Variants in TMCO6 observed in about 807,000 individuals in gnomAD.
TMCO6 encodes the protein transmembrane and coiled-coil domains 6.
Under a neutral mutation model 61.8 loss-of-function variants are expected in TMCO6, and 47 were observed. The observed-to-expected ratio is 0.76, with a 90% CI of 0.60 to 0.97. TMCO6 has a LOEUF of 0.97. Among genes scored for constraint, TMCO6 ranks in the 50% least tolerant of loss-of-function variants. The pLI, the probability that TMCO6 is intolerant of heterozygous loss-of-function variation, is 0.00. For missense variants in TMCO6, 557 were observed against 601.6 expected, an observed-to-expected ratio of 0.93 and a Z score of 0.78; for synonymous variants, 261 against 254.2, an observed-to-expected ratio of 1.03 and a Z score of -0.25.
downstream of TMCO6, chr5:140,646,934 G>C (rs1454846647): frequency 1.1e-5 from 3 of 264,198 alleles, no homozygotes; most frequent in Non-Finnish European, 2.2e-5. Flanking sequence ...CACACTACCT[G>C]GACTGACACT....
At chr5:140,635,551 T>C (rs1272651130), upstream of TMCO6, among the ~76,000 whole-genome samples, 10 of 152,134 alleles carry the variant, frequency 6.6e-5, no homozygotes. Flanking sequence ...GCAGTGATGG[T>C]TCTGCAAAGA....
chr5:140,633,346 A>C, the TMCO6 span: 385 of 578,684 alleles, frequency 6.7e-4, no homozygotes, highest in Non-Finnish European at 9.9e-4. Context: ...AACAGGAAGG[A>C]TTCTGCAGGG....
At chr5:140,614,104 T>C in the TMCO6 span, among the ~76,000 whole-genome samples, 1 of 152,126 alleles carries the variant, frequency 6.6e-6, no homozygotes, top group Non-Finnish European at 1.5e-5. Context: ...TTTCACCGTT[T>C]TAGCCAGGAT....
At chr5:140,624,183 G>A in the TMCO6 span, among the ~76,000 whole-genome samples, 2 of 151,958 alleles carry the variant, frequency 1.3e-5, no homozygotes, top group African/African-American at 2.4e-5. Flanking sequence ...TGACCAAAAT[G>A]GTGAAACCCC....
At chr5:140,602,242 A>T in the TMCO6 span, among the ~76,000 whole-genome samples, 4 of 151,976 alleles carry the variant, frequency 2.6e-5, no homozygotes, top group Non-Finnish European at 2.9e-5. Flanking sequence ...CTCACTTCCT[A>T]CACTTGCAAT....
the TMCO6 span, among the ~76,000 whole-genome samples, chr5:140,628,959 G>A: frequency 6.6e-6 from 1 of 152,086 alleles, no homozygotes; most frequent in African/African-American, 2.4e-5. Context: ...ATATGTGATG[G>A]GTTACAATCC....
chr5:140,644,902 G>A, intron 11 of TMCO6, 83 bp from the exon 12 acceptor site: 2 of 1,529,798 alleles, frequency 1.3e-6, no homozygotes, highest in East Asian at 2.3e-5. Flanking sequence ...GCACCCTCTG[G>A]AGTAGGCTGA....
chr5:140,634,201 C>T, the TMCO6 span, among the ~76,000 whole-genome samples: 1 of 152,140 alleles, frequency 6.6e-6, no homozygotes, highest in East Asian at 1.9e-4. Context: ...TATTTTGAAT[C>T]AGTTTTCCCA....
the TMCO6 span, chr5:140,631,675 T>C: frequency 1.7e-6 from 1 of 584,364 alleles, no homozygotes; most frequent in Non-Finnish European, 3.0e-6. Flanking sequence ...CATCCAGCAC[T>C]GTGCCCAGCA....
chr5:140,613,968 G>A, the TMCO6 span, among the ~76,000 whole-genome samples: 5 of 151,590 alleles, frequency 3.3e-5, no homozygotes, highest in African/African-American at 4.9e-5. Context: ...GTGCGGTCTC[G>A]GCTCACTGCA....
the TMCO6 span, among the ~76,000 whole-genome samples, chr5:140,603,566 C>T: frequency 3.3e-5 from 5 of 152,246 alleles, no homozygotes; most frequent in African/African-American, 1.2e-4. Flanking sequence ...CCTCGGCCTC[C>T]GAAAGTGCTG....
the TMCO6 span, among the ~76,000 whole-genome samples, chr5:140,624,818 G>A: frequency 6.7e-6 from 1 of 150,230 alleles, no homozygotes; most frequent in Non-Finnish European, 1.5e-5. Flanking sequence ...ATGAGTCACT[G>A]CACCCAACCT....
the TMCO6 span, among the ~76,000 whole-genome samples, chr5:140,608,852 G>A: frequency 6.6e-6 from 1 of 152,146 alleles, no homozygotes; most frequent in South Asian, 2.1e-4. Flanking sequence ...CCATTGATCT[G>A]TCTGCTTATC....
At chr5:140,646,648 A>G (rs1255872574), downstream of TMCO6, among the ~76,000 whole-genome samples, 2 of 152,094 alleles carry the variant, frequency 1.3e-5, no homozygotes, top group Non-Finnish European at 2.9e-5. Flanking sequence ...GGAAAATTTC[A>G]TTTTGCAATA....
rs78801877 is a variant in TMCO6, at chr5:140,643,883, C to G, written c.1022C>G (p.Ala341Gly). 48 of 1,613,862 alleles carry G rather than the reference C, an allele frequency of 3.0e-5. No individual in the cohort carries two copies. The highest frequency in any genetic ancestry group is 9.3e-5 in the African/African-American group (7 of 74,900). ...MQLRDERVVA[A>G]LFILLQFFFQ... ...CTCAGAGATGAGCGTGTTGTGGCAG[C>G]CTTATTTATCCTTCTGCAGTTCTTT... The change falls in exon 9 of 12, where the codon GCC becomes GGC. Residue 341 changes from alanine (A) to glycine (G), a missense_variant. Coordinates refer to ENST00000394671, the MANE Select transcript of TMCO6 (RefSeq NM_018502.5).
chr5:140,597,023 A>G, the TMCO6 span, among the ~76,000 whole-genome samples: 10 of 152,218 alleles, frequency 6.6e-5, no homozygotes, highest in Non-Finnish European at 1.5e-4. Flanking sequence ...CTATAATTCT[A>G]AAGATTTTTG....
chr5:140,605,743 A>G, the TMCO6 span, among the ~76,000 whole-genome samples: 2 of 148,320 alleles, frequency 1.3e-5, no homozygotes, highest in African/African-American at 5.0e-5. Flanking sequence ...ACACACAAAG[A>G]AAGAAGATGT....
At chr5:140,597,218 T>A in the TMCO6 span, among the ~76,000 whole-genome samples, 1 of 152,204 alleles carries the variant, frequency 6.6e-6, no homozygotes, top group African/African-American at 2.4e-5. Flanking sequence ...GAAGTCAGTG[T>A]GGGGTAGGGA....
At chr5:140,609,721 T>C in the TMCO6 span, among the ~76,000 whole-genome samples, 7 of 152,014 alleles carry the variant, frequency 4.6e-5, no homozygotes, top group African/African-American at 1.7e-4. Flanking sequence ...ATAAGATCTA[T>C]GAGCATGGGA....
Sources: allele counts gnomAD v4.1 joint callset (sites outside exome capture counted in the v4.1 genomes callset), GRCh38; gene constraint gnomAD v4.1.1; transcripts MANE v1.5; gene names NCBI Gene and HGNC (gene_info 2026-07-23, HGNC 2026-07-21).